DNASE2B: variants seen among roughly 807,000 people sequenced by gnomAD.
DNASE2B encodes the protein deoxyribonuclease 2 beta.
A neutral mutation model predicts 46.0 loss-of-function variants in DNASE2B; 43 were observed. The ratio of observed to expected loss-of-function variants is 0.94; its 90% CI spans 0.73 to 1.21. The LOEUF (loss-of-function observed/expected upper bound fraction) is 1.21. Among genes scored for constraint, DNASE2B ranks in the 50% most tolerant of loss-of-function variants. The pLI, the probability that DNASE2B is intolerant of heterozygous loss-of-function variation, is 0.00. For missense variants in DNASE2B, 395 were observed against 414.4 expected (o/e 0.95, Z 0.41); for synonymous variants, 156 against 152.5 (o/e 1.02, Z -0.17).
Position 84,401,886 on chromosome 1 carries a change from C to A in DNASE2B, c.126-15C>A. 6.8e-7 allele frequency: 1 copy of A among 1,473,356 alleles called. No individual in the cohort carries two copies. The highest frequency in any genetic ancestry group is 1.4e-5 in the South Asian group (1 of 71,718). 91.3% of individuals were successfully genotyped at this position (1,473,356 alleles called of 1,614,324 possible). ...TCAATAAATGTTAGTAATTCATAATCATTTTGTCTGTTAGGTTTACTTTTT... is the reference window on the plus strand; with the variant it reads ...TCAATAAATGTTAGTAATTCATAATAATTTTGTCTGTTAGGTTTACTTTTT... On this transcript the variant is annotated splice_polypyrimidine_tract_variant and intron_variant, in intron 1 of 5. Coordinates refer to ENST00000370665, the MANE Select transcript of DNASE2B (RefSeq NM_021233.3).
chr1:84,413,047 T>A (rs890204979), intron 5 of DNASE2B, among the ~76,000 whole-genome samples: 1 of 146,744 alleles, frequency 6.8e-6, no homozygotes, highest in East Asian at 2.0e-4. Context: ...CCCTATGCTC[T>A]GAAACCTATC....
chr1:84,401,727 T>G (rs41293021), intron 1 of DNASE2B, among the ~76,000 whole-genome samples, 174 bp from the exon 2 acceptor site: 2,978 of 152,296 alleles, frequency 0.02, 57 homozygotes, highest in Non-Finnish European at 0.028. Flanking sequence ...TTTTCTTCTC[T>G]GGGGAGGAGC....
intron 2 of DNASE2B, among the ~76,000 whole-genome samples, chr1:84,405,564 G>A (rs1680480267): frequency 6.6e-6 from 1 of 152,146 alleles, no homozygotes. Flanking sequence ...AGCATCAGCA[G>A]TGGCACTCAG....
chr1:84,400,816 A>T (rs1246057264), intron 1 of DNASE2B, among the ~76,000 whole-genome samples: 1 of 152,240 alleles, frequency 6.6e-6, no homozygotes, highest in African/African-American at 2.4e-5. Flanking sequence ...CAAGCTGCTA[A>T]CATTTATTGA....
chr1:84,398,986 T>C (rs1322213979), intron 1 of DNASE2B, among the ~76,000 whole-genome samples: 3 of 152,216 alleles, frequency 2.0e-5, no homozygotes, highest in African/African-American at 4.8e-5. Flanking sequence ...GAGCTGGCAA[T>C]TTCTTTTAAT....
At chr1:84,406,751 G>A (rs1680498577) in intron 2 of DNASE2B, among the ~76,000 whole-genome samples, 1 of 152,180 alleles carries the variant, frequency 6.6e-6, no homozygotes, top group Non-Finnish European at 1.5e-5. Context: ...AAGTGACTGT[G>A]AGAATATTAC....
rs541925565 is a variant in DNASE2B, at chr1:84,405,684, G to C, written c.304-2753G>C. ...TGACTACAGTATGCAATTTACTGGAGAGAACTGCTCACGTGGAGGTTGTTA... is the reference window on the plus strand; with the variant it reads ...TGACTACAGTATGCAATTTACTGGACAGAACTGCTCACGTGGAGGTTGTTA... On this transcript the variant is annotated intron_variant, in intron 2 of 5. Transcript: ENST00000370665. Among the ~76,000 whole-genome samples, 69 of 152,324 alleles carry C rather than the reference G, an allele frequency of 4.5e-4. 1 individual carries two copies. The highest frequency in any genetic ancestry group is 1.7e-3 in the African/African-American group (69 of 41,574).
rs1312747797 is a variant in DNASE2B, at chr1:84,412,504, C to T, written c.703C>T (p.Gln235Ter). ...LLTTLQSAQG[Q>*]KFLHFAKSDS... is the part of the protein sequence containing the mutation. ...CACCACACTTCAGTCGGCCCAGGGA[C>T]AAAAATTCCTCCATTTTGCAAAGTC... Residue 235 changes from glutamine (Q) to a stop codon, truncating the protein, a stop_gained, in exon 5 of 6, where the codon CAA becomes TAA. Coordinates refer to ENST00000370665, the MANE Select transcript of DNASE2B (RefSeq NM_021233.3). LOFTEE classifies it high-confidence loss of function. The T allele has an allele frequency of 6.2e-7, 1 of 1,612,510 alleles. No homozygotes were observed. Among genetic ancestry groups the T allele is most frequent in the Admixed American group, 1.7e-5 (1 of 59,634 alleles).
Position 84,408,260 on chromosome 1 carries a change from CCT to C in DNASE2B, c.304-176_304-175del, listed in dbSNP as rs1248254962. On this transcript the variant is annotated intron_variant, in intron 2 of 5. Coordinates refer to ENST00000370665, the MANE Select transcript of DNASE2B (RefSeq NM_021233.3). ...ACAGTTAAAAATGGACTTTCTTTCC[CCT>C]GTCTTTCATGTCACAGGCTTCATAT... is the stretch of plus-strand genomic sequence containing the variant. 27 of 1,044,832 alleles carry C rather than the reference CCT, an allele frequency of 2.6e-5. No individual in the cohort carries two copies. The South Asian group carries it at 6.8e-4, about 26-fold the overall frequency. 64.7% of individuals were successfully genotyped at this position (1,044,832 alleles called of 1,614,324 possible).
rs368296260 is a variant in DNASE2B at position 84,414,634 on chromosome 1, T to A, written c.852T>A (p.His284Gln). 6.2e-7 allele frequency: 1 copy of A among 1,614,172 alleles called. No individual in the cohort carries two copies. The highest frequency in any genetic ancestry group is 8.5e-7 in the Non-Finnish European group (1 of 1,180,012). ...CTTCAAACTGCTCCCTTCCTTACCA[T>A]GTCTACAATATAAAAGCAATTAAAT... ...ELPSNCSLPY[H>Q]VYNIKAIKLS... Residue 284 changes from histidine (H) to glutamine (Q), a missense_variant, in exon 6 of 6, where the codon CAT becomes CAA. Transcript: ENST00000370665.
intron 2 of DNASE2B, among the ~76,000 whole-genome samples, chr1:84,404,228 T>G (rs548032930): frequency 2.6e-5 from 4 of 152,166 alleles, no homozygotes; most frequent in Non-Finnish European, 5.9e-5. Context: ...TGTTAATTTC[T>G]CTAGTGTGGT....
At chr1:84,414,402 GTTA>G (rs1680656078) in intron 5 of DNASE2B, 123 bp from the exon 6 acceptor site, 1 of 765,560 alleles carries the variant, frequency 1.3e-6, no homozygotes. Context: ...CAATTATGTT[GTTA>G]TTATTGTGCT....
At chr1:84,412,263 T>C in intron 4 of DNASE2B, 86 bp from the exon 5 acceptor site, 6 of 1,218,588 alleles carry the variant, frequency 4.9e-6, no homozygotes, top group Non-Finnish European at 6.5e-6. Context: ...GTTTTGTTTT[T>C]AAATCCACAA....
At chr1:84,400,257 ACATGGGAGGCTGAGG>A in intron 1 of DNASE2B, among the ~76,000 whole-genome samples, 1 of 152,282 alleles carries the variant, frequency 6.6e-6, no homozygotes, top group South Asian at 2.1e-4. Flanking sequence ...AATCCCAGCT[ACATGGGAGGCTGAGG>A]CAGGAGAATT....
intron 1 of DNASE2B, 77 bp downstream of exon 1, chr1:84,398,766 C>T: frequency 6.4e-7 from 1 of 1,557,644 alleles, no homozygotes; most frequent in Non-Finnish European, 8.7e-7. Flanking sequence ...TGCGAAGTTC[C>T]TAAGGGGAAT....
At chr1:84,412,300 T>G in intron 4 of DNASE2B, 49 bp from the exon 5 acceptor site, 4 of 1,416,160 alleles carry the variant, frequency 2.8e-6, no homozygotes, top group Middle Eastern at 1.9e-4. Context: ...AGCAGGTATT[T>G]CCATTTGTGT....
chr1:84,402,387 C>T (rs534501645), intron 2 of DNASE2B, among the ~76,000 whole-genome samples: 4 of 152,180 alleles, frequency 2.6e-5, no homozygotes, highest in Non-Finnish European at 5.9e-5. Flanking sequence ...TTTGCTTATT[C>T]ATCTAATAGA....
chr1:84,411,028 C>CA (rs3216015), intron 4 of DNASE2B, 29 bp downstream of exon 4: 834,268 of 1,571,334 alleles, frequency 0.53, 223,173 homozygotes, highest in East Asian at 0.62. Flanking sequence ...AGAAAAAAAA[C>CA]GATAACTATG....
At chr1:84,404,788 A>G (rs1680472928) in intron 2 of DNASE2B, among the ~76,000 whole-genome samples, 1 of 152,176 alleles carries the variant, frequency 6.6e-6, no homozygotes, top group Admixed American at 6.5e-5. Context: ...TTCTTATTGT[A>G]CAACTGGCAG....
Sources: allele counts gnomAD v4.1 joint callset (sites outside exome capture counted in the v4.1 genomes callset), GRCh38; gene constraint gnomAD v4.1.1; transcripts MANE v1.5; gene names NCBI Gene and HGNC (gene_info 2026-07-23, HGNC 2026-07-21).